Variants in PTPRD observed in about 807,000 individuals in gnomAD.
PTPRD encodes receptor-type tyrosine-protein phosphatase delta.
A neutral mutation model predicts 214.5 loss-of-function variants in PTPRD; 34 were observed. The observed-to-expected ratio is 0.16, with a 90% CI of 0.12 to 0.21. The LOEUF (loss-of-function observed/expected upper bound fraction) is 0.21. Ranked by LOEUF, PTPRD falls within the 10% of genes least tolerant of loss-of-function variation. PTPRD has a pLI of 1.00. For synonymous variants in PTPRD, 1,128 were observed against 845.7 expected (o/e 1.33, Z -5.79); for missense variants, 2,545 against 2,398.7 (o/e 1.06, Z -1.27).
chr9:10,072,088 A>G (rs916397591), intron 3 of PTPRD, among the ~76,000 whole-genome samples: 1 of 152,026 alleles, frequency 6.6e-6, no homozygotes, highest in African/African-American at 2.4e-5. Flanking sequence ...GGGAGAATAT[A>G]TTTGCAAATT....
At position 8,769,029 on chromosome 9, in the gene PTPRD, G is replaced by C. The variant is rs114193263; in HGVS notation, c.-103-35083C>G. ...GCACAGGGGAGGTGTTTAGCCAAAA[G>C]CAACCCACCTAATTCTGTGTGTTAG... On this transcript the variant is annotated intron_variant, in intron 11 of 45. Transcript: ENST00000381196. 4.1e-3 allele frequency among the ~76,000 whole-genome samples: 625 copies of C among 152,232 alleles called. 4 individuals are homozygous for C. Among genetic ancestry groups the C allele is most frequent in the African/African-American group, 0.014 (574 of 41,542 alleles).
chr9:10,183,366 C>A (rs562705595), intron 3 of PTPRD, among the ~76,000 whole-genome samples: 7 of 152,024 alleles, frequency 4.6e-5, no homozygotes, highest in African/African-American at 1.7e-4. Context: ...GGATTATGAT[C>A]AATTTATATT....
chr9:8,864,541 T>A (rs2098162406), intron 11 of PTPRD, among the ~76,000 whole-genome samples: 1 of 152,204 alleles, frequency 6.6e-6, no homozygotes, highest in African/African-American at 2.4e-5. Context: ...AAGAAAGCAC[T>A]AACACAGAAC....
intron 31 of PTPRD, among the ~76,000 whole-genome samples, chr9:8,466,650 G>A (rs1437929230): frequency 6.6e-6 from 1 of 151,782 alleles, no homozygotes; most frequent in Non-Finnish European, 1.5e-5. Flanking sequence ...GATGTAAGCA[G>A]CAGTCTTTTC....
chr9:9,752,647 A>G (rs540173699), intron 6 of PTPRD, among the ~76,000 whole-genome samples: 2 of 152,026 alleles, frequency 1.3e-5, no homozygotes, highest in Non-Finnish European at 2.9e-5. Flanking sequence ...TGACATTAAC[A>G]TTTTCAGTAA....
At chr9:8,633,263 G>A (rs1028636642) in intron 14 of PTPRD, 54 bp downstream of exon 14, 3 of 1,579,274 alleles carry the variant, frequency 1.9e-6, no homozygotes, top group East Asian at 2.3e-5. Context: ...TGCTACAAAA[G>A]AGATACAGAA....
chr9:10,405,935 T>A (rs1255987023), intron 2 of PTPRD, among the ~76,000 whole-genome samples: 1 of 151,480 alleles, frequency 6.6e-6, no homozygotes, highest in Non-Finnish European at 1.5e-5. Flanking sequence ...TTCTACAGCA[T>A]ATTAATGCTC....
chr9:10,064,172 G>A (rs1377644957), intron 3 of PTPRD, among the ~76,000 whole-genome samples: 1 of 150,044 alleles, frequency 6.7e-6, no homozygotes, highest in East Asian at 2.0e-4. Flanking sequence ...ATTCCTCTTT[G>A]TTTCTCTTAA....
chr9:9,052,524 C>A (rs1017812834), intron 10 of PTPRD, among the ~76,000 whole-genome samples: 3 of 152,092 alleles, frequency 2.0e-5, no homozygotes, highest in Non-Finnish European at 4.4e-5. Context: ...GGTCATAACA[C>A]TGAAAGGTAT....
At chr9:9,494,102 G>A (rs1464544701) in intron 8 of PTPRD, among the ~76,000 whole-genome samples, 2 of 152,100 alleles carry the variant, frequency 1.3e-5, no homozygotes, top group Non-Finnish European at 2.9e-5. Flanking sequence ...AACTGGAGCT[G>A]GAAGATGTAA....
intron 9 of PTPRD, among the ~76,000 whole-genome samples, chr9:9,311,717 A>G (rs1959062022): frequency 1.3e-5 from 2 of 152,170 alleles, no homozygotes; most frequent in South Asian, 4.1e-4. Flanking sequence ...TCATTATAGA[A>G]ATTTAAGGCT....
chr9:8,801,075 T>C (rs1249804453), intron 11 of PTPRD, among the ~76,000 whole-genome samples: 1 of 152,186 alleles, frequency 6.6e-6, no homozygotes, highest in African/African-American at 2.4e-5. Context: ...AAAAATAATA[T>C]GTAGCTTTCA....
chr9:9,471,889 A>G (rs1271549932), intron 8 of PTPRD, among the ~76,000 whole-genome samples: 7 of 152,188 alleles, frequency 4.6e-5, no homozygotes, highest in African/African-American at 1.4e-4. Flanking sequence ...AGGGATAAGT[A>G]TATCTTGAGG....
intron 39 of PTPRD, among the ~76,000 whole-genome samples, chr9:8,367,527 C>T (rs2080258944): frequency 6.6e-6 from 1 of 152,132 alleles, no homozygotes; most frequent in African/African-American, 2.4e-5. Flanking sequence ...TTAAGAAACC[C>T]TGCTTATAGA....
chr9:9,551,782 A>G (rs1002322920), intron 8 of PTPRD, among the ~76,000 whole-genome samples: 2 of 152,002 alleles, frequency 1.3e-5, no homozygotes, highest in Non-Finnish European at 2.9e-5. Flanking sequence ...GTACCAGAGT[A>G]AGGGACACTG....
chr9:8,726,266 G>A (rs1397301770), intron 12 of PTPRD, among the ~76,000 whole-genome samples: 5 of 151,732 alleles, frequency 3.3e-5, no homozygotes, highest in East Asian at 3.9e-4. Flanking sequence ...AGGGGATGGG[G>A]CTCCCAACCA....
At chr9:10,157,769 G>A (rs894751202) in intron 3 of PTPRD, among the ~76,000 whole-genome samples, 2 of 151,986 alleles carry the variant, frequency 1.3e-5, no homozygotes, top group African/African-American at 4.8e-5. Context: ...CTCTTTCAGG[G>A]ACAAAAATGA....
At chr9:9,038,551 C>CA (rs2099629183) in intron 10 of PTPRD, among the ~76,000 whole-genome samples, 1 of 109,648 alleles carries the variant, frequency 9.1e-6, no homozygotes. Flanking sequence ...TTTGTGATAA[C>CA]GGTTTTTTTT....
Position 8,465,660 on chromosome 9 carries a change from A to G in PTPRD, c.3520T>C (p.Ser1174Pro), listed in dbSNP as rs201604141. 5.3e-5 allele frequency: 85 copies of G among 1,611,450 alleles called. No homozygotes were observed. Among genetic ancestry groups the G allele is most frequent in the Admixed American group, 2.2e-4 (13 of 59,692 alleles). The change falls in exon 32 of 46, where the codon TCT (serine) becomes CCT (proline). Residue 1174 changes from serine (S) to proline (P), a missense_variant. Ser to Pro is a moderately conservative substitution (Grantham distance 74). Coordinates refer to ENST00000381196, the MANE Select transcript of PTPRD (RefSeq NM_002839.4). ...TAACGGATGCTTCTGCGCTTCCTAG[A>G]TATCTCCTTAAGCAGCTTAAGGAAA... ...MELDELLKEI[S>P]RKRRSIRYGR...
Sources: allele counts gnomAD v4.1 joint callset (sites outside exome capture counted in the v4.1 genomes callset), GRCh38; gene constraint gnomAD v4.1.1; transcripts MANE v1.5; gene names NCBI Gene and HGNC (gene_info 2026-07-23, HGNC 2026-07-21).